Variants in PABPC4L observed in about 807,000 individuals in gnomAD.
PABPC4L encodes the protein polyadenylate-binding protein 4-like.
For missense variants in PABPC4L, 452 were observed against 451.4 expected (o/e 1.00, Z -0.01); for synonymous variants, 169 against 164.1 (o/e 1.03, Z -0.23).
At chr4:134,192,380 G>A (rs1729534835), downstream of PABPC4L, among the ~76,000 whole-genome samples, 1 of 152,108 alleles carries the variant, frequency 6.6e-6, no homozygotes, top group Non-Finnish European at 1.5e-5. Context: ...GCTGTGGAGA[G>A]ATGAGACTGG....
At chr4:134,083,465 T>A in the PABPC4L span, among the ~76,000 whole-genome samples, 3 of 152,156 alleles carry the variant, frequency 2.0e-5, no homozygotes, top group Non-Finnish European at 2.9e-5. Flanking sequence ...GATACATTTT[T>A]AAATGTGATA....
At chr4:134,106,986 A>G in the PABPC4L span, among the ~76,000 whole-genome samples, 1 of 151,540 alleles carries the variant, frequency 6.6e-6, no homozygotes, top group African/African-American at 2.4e-5. Context: ...AGCAGTTAGT[A>G]TACTAAACTA....
the PABPC4L span, among the ~76,000 whole-genome samples, chr4:134,079,715 AAG>A: frequency 6.6e-6 from 1 of 150,480 alleles, no homozygotes; most frequent in East Asian, 1.9e-4. Flanking sequence ...GAGAGAGAGA[AAG>A]AGAGAGAGAT....
At chr4:134,117,773 A>G in the PABPC4L span, among the ~76,000 whole-genome samples, 5 of 151,796 alleles carry the variant, frequency 3.3e-5, no homozygotes, top group African/African-American at 9.7e-5. Flanking sequence ...GAGTACAACA[A>G]CAAAGTTAGC....
At chr4:134,087,872 C>A in the PABPC4L span, among the ~76,000 whole-genome samples, 1 of 152,110 alleles carries the variant, frequency 6.6e-6, no homozygotes, top group African/African-American at 2.4e-5. Flanking sequence ...GCTTCTATGG[C>A]AATGGGACAT....
At chr4:134,089,969 T>C in the PABPC4L span, among the ~76,000 whole-genome samples, 1 of 151,998 alleles carries the variant, frequency 6.6e-6, no homozygotes, top group Non-Finnish European at 1.5e-5. Flanking sequence ...AATATTGAAA[T>C]CAATTGAGCC....
At chr4:134,169,281 G>T in the PABPC4L span, among the ~76,000 whole-genome samples, 4 of 151,796 alleles carry the variant, frequency 2.6e-5, no homozygotes, top group African/African-American at 9.7e-5. Context: ...CAACAAACTG[G>T]GTGTAGAAGG....
the PABPC4L span, among the ~76,000 whole-genome samples, chr4:133,971,159 T>C: frequency 0.34 from 49,841 of 144,704 alleles, 9,094 homozygotes; most frequent in Admixed American, 0.46. Context: ...GTCGCCCAGG[T>C]TGGAGTGCAG....
At chr4:134,172,525 G>A in the PABPC4L span, among the ~76,000 whole-genome samples, 13 of 151,964 alleles carry the variant, frequency 8.6e-5, no homozygotes, top group Admixed American at 5.9e-4. Context: ...ATAGATAAAA[G>A]GCTTAAATGT....
chr4:133,993,138 T>C, the PABPC4L span, among the ~76,000 whole-genome samples: 2 of 152,190 alleles, frequency 1.3e-5, no homozygotes, highest in African/African-American at 2.4e-5. Context: ...AAAGTGTTTT[T>C]CTATAGCTGA....
At chr4:133,960,536 G>C in the PABPC4L span, among the ~76,000 whole-genome samples, 1 of 152,180 alleles carries the variant, frequency 6.6e-6, no homozygotes, top group Non-Finnish European at 1.5e-5. Flanking sequence ...GTTGAACTTT[G>C]TAATAATTTG....
At chr4:134,185,173 C>T in the PABPC4L span, among the ~76,000 whole-genome samples, 1 of 151,932 alleles carries the variant, frequency 6.6e-6, no homozygotes, top group Non-Finnish European at 1.5e-5. Context: ...TTATCTATTA[C>T]TTTGCACGAA....
the PABPC4L span, among the ~76,000 whole-genome samples, chr4:134,144,154 A>T: frequency 6.6e-6 from 1 of 151,678 alleles, no homozygotes; most frequent in Middle Eastern, 3.4e-3. Flanking sequence ...TTTTAAGATC[A>T]CTATGAAATT....
rs921165101 is a variant in PABPC4L at position 134,200,208 on chromosome 4, C to G, written c.812G>C (p.Arg271Pro). The change falls in exon 2 of 2, where the codon CGA (arginine) becomes CCA (proline). Residue 271 changes from arginine to proline, a missense_variant. By Grantham distance (103) the Arg-to-Pro change is moderately radical. Transcript: ENST00000421491. ...FVGRAQKKVERQAELKQMFEQ... is the reference protein window; with the variant it reads ...FVGRAQKKVEPQAELKQMFEQ... ...AAACATTTGCTTTAACTCAGCCTGT[C>G]GCTCGACTTTCTTTTGAGCCCGGCC... The G allele has an allele frequency of 4.5e-6, 7 of 1,551,532 alleles. No homozygotes were observed. Among genetic ancestry groups the G allele is most frequent in the Non-Finnish European group, 6.1e-6 (7 of 1,146,998 alleles).
the PABPC4L span, among the ~76,000 whole-genome samples, chr4:134,051,201 C>A: frequency 6.6e-6 from 1 of 152,036 alleles, no homozygotes; most frequent in African/African-American, 2.4e-5. Flanking sequence ...GACTCAGTGA[C>A]AAGGTGAAAA....
At chr4:134,140,091 C>T in the PABPC4L span, among the ~76,000 whole-genome samples, 1 of 151,762 alleles carries the variant, frequency 6.6e-6, no homozygotes, top group Non-Finnish European at 1.5e-5. Flanking sequence ...ATTCAGACCC[C>T]TGTGGTCAAA....
the PABPC4L span, among the ~76,000 whole-genome samples, chr4:134,137,194 A>G: frequency 6.6e-6 from 1 of 152,036 alleles, no homozygotes; most frequent in Non-Finnish European, 1.5e-5. Context: ...CCCAGTATAC[A>G]GACATATTTG....
chr4:134,119,242 C>G, the PABPC4L span, among the ~76,000 whole-genome samples: 1 of 151,688 alleles, frequency 6.6e-6, no homozygotes, highest in African/African-American at 2.4e-5. Context: ...AAACAAGCGA[C>G]AGTGACTGGT....
chr4:134,009,743 G>A, the PABPC4L span, among the ~76,000 whole-genome samples: 4 of 152,032 alleles, frequency 2.6e-5, no homozygotes, highest in African/African-American at 9.6e-5. Flanking sequence ...TCCTCTGAAG[G>A]CTATGTTGAA....
Sources: allele counts gnomAD v4.1 joint callset (sites outside exome capture counted in the v4.1 genomes callset), GRCh38; gene constraint gnomAD v4.1.1; transcripts MANE v1.5; gene names NCBI Gene and HGNC (gene_info 2026-07-23, HGNC 2026-07-21).